The following CACNA1B variants were observed in gnomAD, a reference collection of about 807,000 sequenced individuals.
The protein encoded by CACNA1B is calcium voltage-gated channel subunit alpha1 B.
In CACNA1B, 70 loss-of-function variants were observed where a neutral mutation model predicts 247.2. The observed-to-expected ratio is 0.28, with a 90% CI of 0.23 to 0.35. The LOEUF is 0.35. Ranked by LOEUF, CACNA1B falls within the 10% of genes least tolerant of loss-of-function variation. CACNA1B has a pLI of 1.00. For synonymous variants in CACNA1B, 1,231 were observed against 1,294.4 expected (o/e 0.95, Z 1.05); for missense variants, 2,367 against 3,197.4 (o/e 0.74, Z 6.26).
rs577169146 is a variant in CACNA1B, at chr9:138,062,647, A to G, written c.4668+2910A>G. Among the ~76,000 whole-genome samples the G allele has an allele frequency of 2.6e-5, 4 of 152,290 alleles. No individual in the cohort carries two copies. The South Asian group carries it at 8.3e-4, about 32-fold the overall frequency. On this transcript the variant is annotated intron_variant, in intron 31 of 46. Transcript: ENST00000371372. The stretch of plus-strand genomic sequence containing the variant: ...CTCTCATTATGCTTCCGTTCTGTAG[A>G]TGGCATGGCCTGCTCCCAAATGCTG...
At position 137,955,904 on chromosome 9, in the gene CACNA1B, G is replaced by A; in HGVS notation, c.1186+91G>A. On this transcript the variant is annotated intron_variant, in intron 8 of 46. Coordinates refer to ENST00000371372, the MANE Select transcript of CACNA1B (RefSeq NM_000718.4). The surrounding 1 kb of genome is among the most constrained non-coding windows in gnomAD (Gnocchi z 6.9). ...CTCTGCTGCCAGCTGGGGTGCCCTG[G>A]CTGCTGGGTAGAGCCTGAAGGGATT... The A allele has an allele frequency of 1.2e-6, 1 of 856,008 alleles. No homozygotes were observed. The highest frequency in any genetic ancestry group is 1.9e-6 in the Non-Finnish European group (1 of 518,760). The allele number at this position is 856,008 out of a possible 1,614,324, so 53.0% of individuals were successfully genotyped here.
intron 21 of CACNA1B, among the ~76,000 whole-genome samples, chr9:138,044,807 C>G (rs919552636): frequency 1.3e-5 from 2 of 152,260 alleles, no homozygotes; most frequent in African/African-American, 4.8e-5. Context: ...CTACCAAGCC[C>G]TGCATTACCC....
At position 137,926,682 on chromosome 9, in the gene CACNA1B, G is replaced by T. The variant is rs562215100; in HGVS notation, c.966+9251G>T. Among the ~76,000 whole-genome samples, 178 of 152,256 alleles carry T rather than the reference G, an allele frequency of 1.2e-3. 1 individual carries two copies. Among genetic ancestry groups the T allele is most frequent in the African/African-American group, 4.1e-3 (169 of 41,532 alleles). On this transcript the variant is annotated intron_variant, in intron 6 of 46. Transcript: ENST00000371372. ...GGAATACACATGCATTTCCATTTCT[G>T]CACATCCTCACCAATACTTGTTAAT...
rs34296888 is a variant in CACNA1B at position 138,111,514 on chromosome 9, A to AG, written c.5429-883dup. ...GTAGGACGAGGGGTCGACTCAAGGG[A>AG]GCACAGAGGAATTTGGGAGTGATCA... On this transcript the variant is annotated intron_variant, in intron 39 of 46. Transcript: ENST00000371372. 5.4e-5 allele frequency among the ~76,000 whole-genome samples: 8 copies of AG among 149,372 alleles called. No homozygotes were observed. In the South Asian group the frequency reaches 1.0e-3, roughly 20 times the overall value.
Position 137,881,695 on chromosome 9 carries a change from C to T in CACNA1B, c.391-1049C>T, listed in dbSNP as rs538626728. 1.4e-4 allele frequency among the ~76,000 whole-genome samples: 22 copies of T among 152,332 alleles called. No homozygotes were observed. The highest frequency in any genetic ancestry group is 5.3e-4 in the African/African-American group (22 of 41,594). On this transcript the variant is annotated intron_variant, in intron 2 of 46. Coordinates refer to ENST00000371372, the MANE Select transcript of CACNA1B (RefSeq NM_000718.4). This position sits in a 1 kb window ranked among gnomAD's most constrained non-coding sequence, Gnocchi z 4.3. ...AGGGCCTTTCCCTGCCAGCCCCACG[C>T]GTGTGCTCACGAGGAGTCTTTGGGG... is the stretch of plus-strand genomic sequence containing the variant.
At chr9:138,066,168 G>A (rs1959907331) in intron 31 of CACNA1B, among the ~76,000 whole-genome samples, 1 of 152,238 alleles carries the variant, frequency 6.6e-6, no homozygotes, top group Admixed American at 6.5e-5. Flanking sequence ...CTTCCTGCAG[G>A]GGAGCTCTGA....
At chr9:138,104,839 C>A (rs1306925376) in intron 38 of CACNA1B, among the ~76,000 whole-genome samples, 1 of 152,250 alleles carries the variant, frequency 6.6e-6, no homozygotes, top group Admixed American at 6.5e-5. Flanking sequence ...AGATGCATTT[C>A]CTCCTTGGGG....
intron 6 of CACNA1B, among the ~76,000 whole-genome samples, chr9:137,937,165 G>T (rs1429571642): frequency 6.6e-6 from 1 of 152,036 alleles, no homozygotes; most frequent in Admixed American, 6.6e-5. Flanking sequence ...ATTGAGCACT[G>T]GTTTGTAGTT....
rs1554758384 is a variant in CACNA1B, at chr9:138,102,721, A to G, written c.5233A>G (p.Ser1745Gly). 1 of 1,610,240 alleles carries G rather than the reference A, an allele frequency of 6.2e-7. No individual in the cohort carries two copies. The highest frequency in any genetic ancestry group is 1.7e-4 in the Middle Eastern group (1 of 6,050). ...GGGACGGGTTTCCAGTGGGCGCATCAGTTACAATGACATGTTTGAGATGCT... is the reference window on the plus strand; with the variant it reads ...GGGACGGGTTTCCAGTGGGCGCATCGGTTACAATGACATGTTTGAGATGCT... ...EYDPAACGRI[S>G]YNDMFEMLKH... Residue 1745 changes from serine (S) to glycine (G), a missense_variant, in exon 38 of 47, where the codon AGT (serine) becomes GGT (glycine). Around this residue, in one of 12 missense-constraint regions of CACNA1B, gnomAD observed 55 missense variants for 107.8 expected, o/e 0.51. Transcript: ENST00000371372. The surrounding 1 kb of genome is among the most constrained non-coding windows in gnomAD (Gnocchi z 5.4).
At chr9:138,075,119 C>T (rs973131483) in intron 34 of CACNA1B, among the ~76,000 whole-genome samples, 3 of 152,206 alleles carry the variant, frequency 2.0e-5, no homozygotes, top group African/African-American at 4.8e-5. Flanking sequence ...AATTTGTTAT[C>T]GAAGGTGCCG....
chr9:138,046,018 G>A lies in CACNA1B; in HGVS notation c.3414-886G>A, dbSNP rs564563624. Among the ~76,000 whole-genome samples, 32 of 152,278 alleles carry A rather than the reference G, an allele frequency of 2.1e-4. No individual in the cohort carries two copies. In the East Asian group the frequency reaches 3.5e-3, roughly 17 times the overall value. Reference sequence around the variant, plus strand: ...GGGGGCCGTCTGCCCCACCTGCTCCGTCCACGGCTGCCTCTTCTGGTCCCC... The same window carrying A: ...GGGGGCCGTCTGCCCCACCTGCTCCATCCACGGCTGCCTCTTCTGGTCCCC... On this transcript the variant is annotated intron_variant, in intron 21 of 46. Coordinates refer to ENST00000371372, the MANE Select transcript of CACNA1B (RefSeq NM_000718.4).
chr9:138,088,995 T>G (rs1447182712), intron 36 of CACNA1B, among the ~76,000 whole-genome samples: 1 of 62,102 alleles, frequency 1.6e-5, no homozygotes, highest in African/African-American at 4.5e-5. Context: ...AAAAAAAAAA[T>G]CCCATCAAAG....
intron 6 of CACNA1B, among the ~76,000 whole-genome samples, chr9:137,930,114 A>G (rs751420361): frequency 6.6e-6 from 1 of 152,126 alleles, no homozygotes; most frequent in Non-Finnish European, 1.5e-5. Context: ...AGCATCTTTT[A>G]TGAGCCTATT....
At chr9:138,034,525 G>A (rs193110159) in intron 20 of CACNA1B, among the ~76,000 whole-genome samples, 55 of 150,794 alleles carry the variant, frequency 3.6e-4, no homozygotes, top group Admixed American at 1.9e-3. Context: ...TTTATATCTC[G>A]GTAGGCTGCC....
chr9:137,945,139 C>T (rs530997271), intron 6 of CACNA1B, among the ~76,000 whole-genome samples: 1 of 152,322 alleles, frequency 6.6e-6, no homozygotes, highest in African/African-American at 2.4e-5. Context: ...ACCAATTATT[C>T]CTGGCTGTCC....
intron 6 of CACNA1B, among the ~76,000 whole-genome samples, chr9:137,939,864 C>T (rs1016802984): frequency 6.7e-6 from 1 of 150,238 alleles, no homozygotes; most frequent in Admixed American, 6.6e-5. Flanking sequence ...AAATAAAATT[C>T]TTCGAACTGA....
At position 137,999,979 on chromosome 9, in the gene CACNA1B, A is replaced by G. The variant is rs530623916; in HGVS notation, c.1975-6788A>G. 2.0e-5 allele frequency among the ~76,000 whole-genome samples: 3 copies of G among 152,340 alleles called. No homozygotes were observed. The East Asian group carries it at 5.8e-4, about 29-fold the overall frequency. On this transcript the variant is annotated intron_variant, in intron 15 of 46. Transcript: ENST00000371372. ...CAGCGACTGATCAAGGGAAAAAAGC[A>G]CAAACAAAAAATGTAACCCAAAAGG...
At chr9:137,911,179 T>C (rs1262702157) in intron 3 of CACNA1B, among the ~76,000 whole-genome samples, 1 of 152,174 alleles carries the variant, frequency 6.6e-6, no homozygotes, top group African/African-American at 2.4e-5. Flanking sequence ...TGGGGGTTTA[T>C]TTCTGGGTTA....
chr9:138,046,041 C>A (rs1275652666), intron 21 of CACNA1B, among the ~76,000 whole-genome samples: 1 of 152,160 alleles, frequency 6.6e-6, no homozygotes, highest in Non-Finnish European at 1.5e-5. Context: ...TCTTCTGGTC[C>A]CCCACCCGTA....
Sources: allele counts gnomAD v4.1 joint callset (sites outside exome capture counted in the v4.1 genomes callset), GRCh38; gene constraint gnomAD v4.1.1; regional missense constraint gnomAD v4.1.1; non-coding constraint Gnocchi (gnomAD v3.1); transcripts MANE v1.5; gene names NCBI Gene and HGNC (gene_info 2026-07-23, HGNC 2026-07-21).